ERC1: variants seen among roughly 807,000 people sequenced by gnomAD.
The protein encoded by ERC1 is ELKS/RAB6-interacting/CAST family member 1.
A neutral mutation model predicts 132.0 loss-of-function variants in ERC1; 56 were observed. The ratio of observed to expected loss-of-function variants is 0.42; its 90% CI spans 0.34 to 0.53. The LOEUF (loss-of-function observed/expected upper bound fraction) is 0.53, where lower values mean the gene tolerates loss of function less well. ERC1 is among the 20% of genes least tolerant of loss of function. ERC1 has a pLI of 0.03. For missense variants in ERC1, 1,202 were observed against 1,349.9 expected (o/e 0.89, Z 1.72); for synonymous variants, 478 against 476.1 (o/e 1.00, Z -0.05).
rs957016822 is a variant in ERC1, at chr12:1,364,728, G to C, written c.2781-7105G>C. Among the ~76,000 whole-genome samples the C allele has an allele frequency of 7.9e-5, 12 of 152,196 alleles. No homozygotes were observed. The East Asian group carries it at 1.2e-3, about 15-fold the overall frequency. On this transcript the variant is annotated intron_variant, in intron 15 of 18. Transcript: ENST00000360905. The stretch of plus-strand genomic sequence containing the variant: ...CATTTACTGCCCATACAGTATATTT[G>C]GCACTTAGCATTTATTGTTTCATCT...
intron 8 of ERC1, among the ~76,000 whole-genome samples, chr12:1,169,403 C>T (rs1346582957): frequency 6.6e-6 from 1 of 152,188 alleles, no homozygotes; most frequent in African/African-American, 2.4e-5. Context: ...TTCCTTCCCC[C>T]TACTTGGGAC....
chr12:1,388,861 G>A (rs1429631774), intron 16 of ERC1, among the ~76,000 whole-genome samples: 1 of 152,178 alleles, frequency 6.6e-6, no homozygotes, highest in African/African-American at 2.4e-5. Flanking sequence ...CCTAATCTTA[G>A]TGCCTTAACA....
At chr12:1,053,822 G>A (rs1972463020) in intron 2 of ERC1, among the ~76,000 whole-genome samples, 2 of 152,184 alleles carry the variant, frequency 1.3e-5, no homozygotes, top group African/African-American at 2.4e-5. Context: ...GTAGAAGACA[G>A]ATGAAAGCAA....
rs903658680 is a variant in ERC1 at position 1,028,461 on chromosome 12, C to G, written c.558C>G (p.Ile186Met). The change falls in exon 2 of 19, where the codon ATC becomes ATG. Residue 186 changes from isoleucine (I) to methionine (M), a missense_variant. Ile to Met is a conservative substitution (Grantham distance 10). Transcript: ENST00000360905. ...AATTGAGTTCTTCAATGAATAGCAT[C>G]AAGACCTTCTGGAGCCCAGAGCTGA... ...ESKLSSSMNS[I>M]KTFWSPELKK... is the part of the protein sequence containing the mutation. 1 of 1,614,090 alleles carries G rather than the reference C, an allele frequency of 6.2e-7. No homozygotes were observed. The highest frequency in any genetic ancestry group is 1.1e-5 in the South Asian group (1 of 91,074).
intron 8 of ERC1, among the ~76,000 whole-genome samples, chr12:1,178,813 A>T (rs1954036733): frequency 6.6e-6 from 1 of 152,114 alleles, no homozygotes; most frequent in Non-Finnish European, 1.5e-5. Context: ...TCAGTCACTC[A>T]TTCCCTCCCT....
At chr12:1,038,883 T>G (rs1219626712) in intron 2 of ERC1, among the ~76,000 whole-genome samples, 1 of 152,132 alleles carries the variant, frequency 6.6e-6, no homozygotes, top group African/African-American at 2.4e-5. Flanking sequence ...GAGAAGAAGG[T>G]GCACATCCAT....
chr12:1,264,109 T>C (rs563197790), intron 14 of ERC1, among the ~76,000 whole-genome samples: 1 of 152,300 alleles, frequency 6.6e-6, no homozygotes, highest in Non-Finnish European at 1.5e-5. Flanking sequence ...CAAGTTAAGG[T>C]TAACAGTGAG....
At chr12:1,157,757 A>T (rs1951536736) in intron 8 of ERC1, among the ~76,000 whole-genome samples, 1 of 152,210 alleles carries the variant, frequency 6.6e-6, no homozygotes. Flanking sequence ...AGAGGAGAGG[A>T]TGATCAGATT....
At chr12:991,382 C>G (rs995946273) in intron 1 of ERC1, 60 bp downstream of exon 1, 2 of 155,808 alleles carry the variant, frequency 1.3e-5, no homozygotes, top group African/African-American at 4.8e-5. Flanking sequence ...GAGCTTCCCC[C>G]CTGTCGCTAG....
At chr12:1,354,259 C>T (rs111361765) in intron 15 of ERC1, among the ~76,000 whole-genome samples, 4,810 of 152,170 alleles carry the variant, frequency 0.032, 81 homozygotes, top group Middle Eastern at 0.071. Context: ...TGTGGTGGCT[C>T]ATGCCTGCAA....
At chr12:1,036,372 A>G (rs1969076973) in intron 2 of ERC1, among the ~76,000 whole-genome samples, 1 of 151,156 alleles carries the variant, frequency 6.6e-6, no homozygotes, top group Non-Finnish European at 1.5e-5. Flanking sequence ...CCATTAAATA[A>G]ACTTTTTTTT....
At chr12:1,113,567 A>G (rs11061639) in intron 6 of ERC1, among the ~76,000 whole-genome samples, 2 of 152,238 alleles carry the variant, frequency 1.3e-5, no homozygotes, top group African/African-American at 4.8e-5. Flanking sequence ...TTAAAAAACC[A>G]AACTTGGGCT....
intron 18 of ERC1, among the ~76,000 whole-genome samples, chr12:1,470,595 G>C (rs1369379203): frequency 1.3e-5 from 2 of 152,028 alleles, no homozygotes; most frequent in Non-Finnish European, 2.9e-5. Flanking sequence ...TTGGTAAGGA[G>C]GGAAATTTTT....
At chr12:1,284,340 T>C (rs1162783458) in intron 14 of ERC1, among the ~76,000 whole-genome samples, 1 of 149,690 alleles carries the variant, frequency 6.7e-6, no homozygotes, top group South Asian at 2.2e-4. Context: ...ATTCATCCAC[T>C]GATGGACACT....
intron 15 of ERC1, among the ~76,000 whole-genome samples, chr12:1,290,594 T>C (rs1021409192): frequency 2.6e-5 from 4 of 152,242 alleles, no homozygotes; most frequent in Admixed American, 2.6e-4. Context: ...CATCTGCTAA[T>C]ACATAGTAGA....
intron 15 of ERC1, among the ~76,000 whole-genome samples, chr12:1,340,426 G>A (rs905795338): frequency 1.3e-5 from 2 of 152,144 alleles, no homozygotes; most frequent in Non-Finnish European, 2.9e-5. Flanking sequence ...CAGCTGACGC[G>A]CTGCCCTTGC....
chr12:1,402,614 A>AACACACAC (rs56777839), intron 16 of ERC1, among the ~76,000 whole-genome samples: 2,994 of 144,964 alleles, frequency 0.021, 38 homozygotes, highest in South Asian at 0.046. Context: ...TGTAACCCCC[A>AACACACAC]ACACACACAC....
intron 4 of ERC1, among the ~76,000 whole-genome samples, chr12:1,108,751 C>T (rs180856823): frequency 1.3e-4 from 20 of 152,226 alleles, no homozygotes; most frequent in Non-Finnish European, 2.5e-4. Flanking sequence ...TGAACAGGTA[C>T]ATTTTAAGTT....
intron 12 of ERC1, among the ~76,000 whole-genome samples, chr12:1,228,533 T>C (rs2074777824): frequency 6.6e-6 from 1 of 152,208 alleles, no homozygotes; most frequent in Non-Finnish European, 1.5e-5. Flanking sequence ...CATTTAGTTC[T>C]TTTTCTTGCC....
Sources: allele counts gnomAD v4.1 joint callset (sites outside exome capture counted in the v4.1 genomes callset), GRCh38; gene constraint gnomAD v4.1.1; transcripts MANE v1.5; gene names NCBI Gene and HGNC (gene_info 2026-07-23, HGNC 2026-07-21).